The following ALK variants were observed in gnomAD, a reference collection of about 807,000 sequenced individuals.
ALK encodes the protein ALK tyrosine kinase receptor.
ALK carries 74 observed loss-of-function variants against 163.1 expected under a neutral mutation model. The ratio of observed to expected loss-of-function variants is 0.45; its 90% confidence interval spans 0.38 to 0.55. The LOEUF is 0.55. Ranked by LOEUF, ALK falls within the 20% of genes least tolerant of loss-of-function variation. ALK has a pLI of 0.00. For missense variants in ALK, 2,063 were observed against 2,105.3 expected, an observed-to-expected ratio of 0.98 and a Z score of 0.39; for synonymous variants, 960 against 843.2, an observed-to-expected ratio of 1.14 and a Z score of -2.40.
chr2:29,819,280 T>A (rs1185364508), intron 1 of ALK, among the ~76,000 whole-genome samples: 4 of 152,250 alleles, frequency 2.6e-5, no homozygotes, highest in Non-Finnish European at 5.9e-5. Context: ...TGTAAAGCAC[T>A]AAGAATGCCT....
chr2:29,394,226 T>G (rs2148309951), intron 4 of ALK, among the ~76,000 whole-genome samples: 1 of 152,196 alleles, frequency 6.6e-6, no homozygotes, highest in African/African-American at 2.4e-5. Context: ...GAGGGATTCT[T>G]CTTTGCTCTG....
intron 3 of ALK, among the ~76,000 whole-genome samples, chr2:29,538,941 T>G (rs1223682872): frequency 2.0e-5 from 3 of 152,208 alleles, no homozygotes; most frequent in Admixed American, 2.0e-4. Context: ...TTATGTGATA[T>G]ATTTATGACT....
intron 3 of ALK, among the ~76,000 whole-genome samples, chr2:29,541,498 A>C (rs28463361): frequency 0.12 from 17,917 of 152,090 alleles, 1,388 homozygotes; most frequent in Non-Finnish European, 0.18. Flanking sequence ...ACCATGTTGA[A>C]CAGGCTGGTC....
intron 1 of ALK, among the ~76,000 whole-genome samples, chr2:29,775,537 C>CAAAAAA (rs770320077): frequency 8.7e-6 from 1 of 115,336 alleles, no homozygotes; most frequent in African/African-American, 3.0e-5. Flanking sequence ...CCTCCCCCTA[C>CAAAAAA]AAAAAAAAAA....
chr2:29,378,912 G>A (rs1033377607), intron 5 of ALK, among the ~76,000 whole-genome samples: 2 of 152,018 alleles, frequency 1.3e-5, no homozygotes, highest in South Asian at 2.1e-4. Context: ...GGGGTTTCGC[G>A]ACGTTGGCCA....
intron 1 of ALK, among the ~76,000 whole-genome samples, chr2:29,794,970 T>A (rs758211453): frequency 2.0e-5 from 3 of 152,162 alleles, no homozygotes; most frequent in Non-Finnish European, 4.4e-5. Flanking sequence ...AAAGTTGTGA[T>A]ATCTGTGAAG....
chr2:29,341,375 A>G (rs1456688218), intron 5 of ALK, among the ~76,000 whole-genome samples: 1 of 152,218 alleles, frequency 6.6e-6, no homozygotes, highest in Non-Finnish European at 1.5e-5. Context: ...TGCAACTGGC[A>G]TGGGCTGCTG....
At chr2:29,656,481 A>T (rs2148258098) in intron 3 of ALK, among the ~76,000 whole-genome samples, 1 of 152,338 alleles carries the variant, frequency 6.6e-6, no homozygotes, top group Admixed American at 6.5e-5. Flanking sequence ...AGCAAATGCT[A>T]ATATCTCAAT....
chr2:29,760,971 C>T (rs965344283), intron 1 of ALK, among the ~76,000 whole-genome samples: 2 of 152,180 alleles, frequency 1.3e-5, no homozygotes, highest in African/African-American at 2.4e-5. Flanking sequence ...GAAACAACTG[C>T]CTGGGGCTGT....
In ALK at chr2:29,585,467, C is replaced by T. The variant is rs563233067; in HGVS notation, c.953-53351G>A. On this transcript the variant is annotated intron_variant, in intron 3 of 28. Transcript: ENST00000389048. ...TCAGCTTCCCAAGTAGCTGGGAAAA[C>T]AGGTGCGTGCCACCACACCTGGCTA... 3.9e-5 allele frequency among the ~76,000 whole-genome samples: 6 copies of T among 152,220 alleles called. No individual in the cohort carries two copies. The East Asian group carries it at 9.7e-4, about 25-fold the overall frequency.
At chr2:29,504,862 C>A (rs1672273950) in intron 4 of ALK, among the ~76,000 whole-genome samples, 3 of 152,116 alleles carry the variant, frequency 2.0e-5, no homozygotes, top group African/African-American at 7.2e-5. Context: ...ACGGGAAAAA[C>A]CACAATTACC....
intron 11 of ALK, among the ~76,000 whole-genome samples, chr2:29,264,932 G>A (rs1473339195): frequency 6.6e-6 from 1 of 152,076 alleles, no homozygotes; most frequent in Non-Finnish European, 1.5e-5. Context: ...ATACTCACTC[G>A]AACACACACA....
chr2:29,862,370 A>G (rs527691499), intron 1 of ALK, among the ~76,000 whole-genome samples: 1 of 152,322 alleles, frequency 6.6e-6, no homozygotes, highest in African/African-American at 2.4e-5. Flanking sequence ...ACTGTTGCAG[A>G]TGACATCATC....
At chr2:29,634,875 G>T (rs1380270145) in intron 3 of ALK, among the ~76,000 whole-genome samples, 1 of 152,166 alleles carries the variant, frequency 6.6e-6, no homozygotes, top group Non-Finnish European at 1.5e-5. Context: ...GGGCATAGTT[G>T]TCTGTATAGA....
At chr2:29,787,090 C>A (rs936078271) in intron 1 of ALK, among the ~76,000 whole-genome samples, 1 of 151,930 alleles carries the variant, frequency 6.6e-6, no homozygotes, top group Non-Finnish European at 1.5e-5. Context: ...CCACCATGCC[C>A]GGCCTTCCCT....
At chr2:29,200,314 T>G (rs1424836884) in intron 26 of ALK, among the ~76,000 whole-genome samples, 1 of 152,206 alleles carries the variant, frequency 6.6e-6, no homozygotes, top group Admixed American at 6.5e-5. Flanking sequence ...GGTTATAGCA[T>G]CCTTTGAGAG....
chr2:29,916,692 G>T (rs1178668809), intron 1 of ALK, among the ~76,000 whole-genome samples: 5 of 152,186 alleles, frequency 3.3e-5, no homozygotes, highest in Admixed American at 1.3e-4. Flanking sequence ...ACTTTCCTGG[G>T]TGGGGAGGGA....
intron 8 of ALK, among the ~76,000 whole-genome samples, chr2:29,308,480 G>C (rs1266019927): frequency 4.6e-5 from 7 of 152,190 alleles, no homozygotes; most frequent in African/African-American, 1.7e-4. Flanking sequence ...GTAAAAGCTA[G>C]TACTATGTTT....
intron 3 of ALK, among the ~76,000 whole-genome samples, chr2:29,675,133 A>C (rs1677834657): frequency 6.6e-6 from 1 of 152,022 alleles, no homozygotes; most frequent in South Asian, 2.1e-4. Context: ...ATACAAACCA[A>C]AATGAGGCTA....
Sources: allele counts gnomAD v4.1 joint callset (sites outside exome capture counted in the v4.1 genomes callset), GRCh38; gene constraint gnomAD v4.1.1; transcripts MANE v1.5; gene names NCBI Gene and HGNC (gene_info 2026-07-23, HGNC 2026-07-21).